Variants in GSTO1 observed in about 807,000 individuals in gnomAD.
GSTO1 encodes glutathione S-transferase omega-1.
A neutral mutation model predicts 23.8 loss-of-function variants in GSTO1; 27 were observed. That is an observed-to-expected ratio of 1.13 (90% confidence interval 0.83 to 1.56). GSTO1 has a LOEUF of 1.56. Ranked by LOEUF, GSTO1 falls within the 40% of genes most tolerant of loss-of-function variation. The pLI, the probability that GSTO1 is intolerant of heterozygous loss-of-function variation, is 0.00. For synonymous variants in GSTO1, 105 were observed against 109.3 expected (o/e 0.96, Z 0.25); for missense variants, 255 against 285.8 (o/e 0.89, Z 0.78).
chr10:104,254,790 G>C (rs1188327223), upstream of GSTO1: 1 of 763,544 alleles, frequency 1.3e-6, no homozygotes, highest in Non-Finnish European at 2.3e-6. Flanking sequence ...GGCACAACGG[G>C]TGGAGCTGGC....
chr10:104,259,423 G>C (rs2011117224), intron 2 of GSTO1, among the ~76,000 whole-genome samples, 153 bp from the exon 3 acceptor site: 1 of 152,218 alleles, frequency 6.6e-6, no homozygotes, highest in Admixed American at 6.5e-5. Context: ...AAAGTAGTCA[G>C]ATTCATAAAA....
At chr10:104,254,776 G>A, upstream of GSTO1, 4 of 714,990 alleles carry the variant, frequency 5.6e-6, no homozygotes, top group Middle Eastern at 2.3e-4. Flanking sequence ...CATAAAGCCG[G>A]GAAGGCACAA....
At chr10:104,258,615 G>A (rs989603781) in intron 2 of GSTO1, among the ~76,000 whole-genome samples, 4 of 152,134 alleles carry the variant, frequency 2.6e-5, no homozygotes, top group African/African-American at 7.2e-5. Context: ...GGTAGCTCAC[G>A]CCTATAACCC....
At chr10:104,265,784 CTG>C (rs2011174907) in intron 4 of GSTO1, among the ~76,000 whole-genome samples, 1 of 152,112 alleles carries the variant, frequency 6.6e-6, no homozygotes, top group Non-Finnish European at 1.5e-5. Flanking sequence ...ATTTTTCTTA[CTG>C]ATTCCCAGGA....
At chr10:104,263,496 T>C (rs2011155737) in intron 4 of GSTO1, among the ~76,000 whole-genome samples, 1 of 152,202 alleles carries the variant, frequency 6.6e-6, no homozygotes, top group Non-Finnish European at 1.5e-5. Context: ...CCACTTAGTA[T>C]TACATACTAA....
At chr10:104,255,794 G>C (rs1334071445) in intron 2 of GSTO1, among the ~76,000 whole-genome samples, 4 of 152,238 alleles carry the variant, frequency 2.6e-5, no homozygotes, top group East Asian at 3.8e-4. Context: ...TGTTGGTTGA[G>C]TCAAATAGAG....
chr10:104,254,795 G>A, upstream of GSTO1: 1 of 803,130 alleles, frequency 1.2e-6, no homozygotes, highest in South Asian at 1.5e-5. Flanking sequence ...AACGGGTGGA[G>A]CTGGCGGCCG....
chr10:104,254,961 G>A lies in GSTO1; in HGVS notation c.33G>A (p.Lys11=), dbSNP rs765593231. The change falls in exon 1 of 6, where the codon AAG becomes AAA. Residue 11 remains lysine (K), a splice_region_variant and synonymous_variant. Coordinates refer to ENST00000369713, the MANE Select transcript of GSTO1 (RefSeq NM_004832.3). ...GGGAGTCAGCCAGGAGCTTGGGGAAGGGTGAGGCCTGCCCGCCGCGAAGAG... is the reference window on the plus strand; with the variant it reads ...GGGAGTCAGCCAGGAGCTTGGGGAAAGGTGAGGCCTGCCCGCCGCGAAGAG... MSGESARSLG[K]GSAPPGPVPE... is the part of the protein sequence containing the mutation. 8.8e-5 allele frequency: 142 copies of A among 1,609,370 alleles called. No individual in the cohort carries two copies. Among genetic ancestry groups the A allele is most frequent in the Non-Finnish European group, 1.2e-4 (138 of 1,178,496 alleles).
rs771344081 is a variant in GSTO1 at position 104,255,175 on chromosome 10, C to T, written c.47C>T (p.Pro16Leu). 3 of 1,613,120 alleles carry T rather than the reference C, an allele frequency of 1.9e-6. No homozygotes were observed. Among genetic ancestry groups the T allele is most frequent in the South Asian group, 1.1e-5 (1 of 91,056 alleles). Residue 16 changes from proline (P) to leucine (L), a missense_variant, in exon 2 of 6, where the codon CCG (proline) becomes CTG (leucine). Transcript: ENST00000369713. ...ARSLGKGSAPPGPVPEGSIRI... is the reference protein window; with the variant it reads ...ARSLGKGSAPLGPVPEGSIRI... ...TTCTCCCCGGCAGGAAGCGCGCCCC[C>T]GGGGCCGGTCCCGGAGGGCTCGATC...
chr10:104,257,546 G>T (rs1433718994), intron 2 of GSTO1, among the ~76,000 whole-genome samples: 1 of 151,982 alleles, frequency 6.6e-6, no homozygotes, highest in African/African-American at 2.4e-5. Flanking sequence ...TCATCATGTT[G>T]CCCAGGCTGG....
intron 2 of GSTO1, 78 bp from the exon 3 acceptor site, chr10:104,259,498 A>G: frequency 1.2e-6 from 1 of 866,428 alleles, no homozygotes; most frequent in Non-Finnish European, 1.9e-6. Flanking sequence ...AGCTAAGTGG[A>G]TGGCAAAGCC....
At position 104,259,652 on chromosome 10, in the gene GSTO1, G is replaced by A; in HGVS notation, c.220G>A (p.Val74Ile). The change falls in exon 3 of 6, where the codon GTT (valine) becomes ATT (isoleucine). Residue 74 changes from valine to isoleucine, a missense_variant. By Grantham distance (29) the Val-to-Ile change is conservative. Coordinates refer to ENST00000369713, the MANE Select transcript of GSTO1 (RefSeq NM_004832.3). ...FKKNPFGLVP[V>I]LENSQGQLIY... ...GAAAAATCCCTTTGGTCTGGTGCCA[G>A]TTCTGGAAAACAGTCAGGGTCAGCT... 1.2e-6 allele frequency: 2 copies of A among 1,613,660 alleles called. No individual in the cohort carries two copies. The highest frequency in any genetic ancestry group is 1.3e-5 in the African/African-American group (1 of 75,038).
chr10:104,259,074 T>C (rs1455731887), intron 2 of GSTO1, among the ~76,000 whole-genome samples: 4 of 152,240 alleles, frequency 2.6e-5, no homozygotes, highest in South Asian at 2.1e-4. Context: ...ACAGCTGCTA[T>C]GGAAAACAGT....
chr10:104,264,536 G>A (rs2011163653), intron 4 of GSTO1, among the ~76,000 whole-genome samples: 1 of 152,020 alleles, frequency 6.6e-6, no homozygotes, highest in Non-Finnish European at 1.5e-5. Context: ...TAACCAATTC[G>A]CCTTCTTAAA....
Position 104,259,705 on chromosome 10 carries a change from G to A in GSTO1, c.273G>A (p.Glu91=). ...TCTACGAGTCTGCCATCACCTGTGAGTACCTGGATGAAGCATACCCAGGGA... is the reference window on the plus strand; with the variant it reads ...TCTACGAGTCTGCCATCACCTGTGAATACCTGGATGAAGCATACCCAGGGA... The part of the protein sequence containing the change: ...QLIYESAITC[E]YLDEAYPGKK... The change falls in exon 3 of 6, where the codon GAG becomes GAA. Residue 91 remains glutamate (E), a synonymous_variant. Transcript: ENST00000369713. 1 of 1,613,218 alleles carries A rather than the reference G, an allele frequency of 6.2e-7. No individual in the cohort carries two copies. The highest frequency in any genetic ancestry group is 8.5e-7 in the Non-Finnish European group (1 of 1,179,194).
At chr10:104,260,984 C>T (rs1045022358) in intron 3 of GSTO1, among the ~76,000 whole-genome samples, 2 of 152,110 alleles carry the variant, frequency 1.3e-5, no homozygotes, top group African/African-American at 4.8e-5. Flanking sequence ...CTTCAAGACA[C>T]GAAGTCATCA....
At chr10:104,255,599 G>T (rs1319748027) in intron 2 of GSTO1, among the ~76,000 whole-genome samples, 2 of 152,192 alleles carry the variant, frequency 1.3e-5, no homozygotes, top group East Asian at 3.8e-4. Context: ...CGAATTCCTG[G>T]TCCAGAGTCC....
At chr10:104,266,897 T>C (rs2011195159) in intron 5 of GSTO1, among the ~76,000 whole-genome samples, 1 of 152,204 alleles carries the variant, frequency 6.6e-6, no homozygotes. Flanking sequence ...TCTTGGACGA[T>C]AGAGCTATTC....
chr10:104,262,654 G>A (rs968888484), intron 3 of GSTO1, among the ~76,000 whole-genome samples: 6 of 152,218 alleles, frequency 3.9e-5, no homozygotes, highest in African/African-American at 9.6e-5. Flanking sequence ...GGAGGTTGCA[G>A]TGAGCTGAGA....
Sources: gnomAD v4.1 joint callset for allele counts (sites outside exome capture counted in the v4.1 genomes callset) on GRCh38, gnomAD v4.1.1 for gene constraint, MANE v1.5 for transcripts, NCBI Gene and HGNC (gene_info 2026-07-23, HGNC 2026-07-21) for gene names.